Variants in EXOC3 observed in about 807,000 individuals in gnomAD.
EXOC3 encodes SEC6-like 1.
A neutral mutation model predicts 73.7 loss-of-function variants in EXOC3; 21 were observed. That is an observed-to-expected ratio of 0.29 (90% confidence interval 0.20 to 0.41). The LOEUF (loss-of-function observed/expected upper bound fraction) is 0.41. Ranked by LOEUF, EXOC3 falls within the 10% of genes least tolerant of loss-of-function variation. The probability of loss-of-function intolerance (pLI) is 1.00; values close to 1 mark genes in which losing one functional copy is unlikely to be tolerated. For missense variants in EXOC3, 842 were observed against 985.1 expected, an observed-to-expected ratio of 0.85 and a Z score of 1.95; for synonymous variants, 410 against 389.1, an observed-to-expected ratio of 1.05 and a Z score of -0.63.
chr5:451,713 CTATT>C (rs1474299976), intron 3 of EXOC3, among the ~76,000 whole-genome samples: 1 of 152,348 alleles, frequency 6.6e-6, no homozygotes, highest in East Asian at 1.9e-4. Flanking sequence ...CAGTGGGACT[CTATT>C]TAAGCATTTC....
chr5:443,621 C>A (rs1182545800), intron 1 of EXOC3, among the ~76,000 whole-genome samples: 4 of 151,704 alleles, frequency 2.6e-5, no homozygotes, highest in Non-Finnish European at 1.5e-5. Flanking sequence ...TCCTTCCTGG[C>A]ACAGGTGTCC....
Position 462,068 on chromosome 5 carries a change from C to T in EXOC3, c.1500C>T (p.Phe500=). The T allele has an allele frequency of 1.9e-6, 3 of 1,610,824 alleles. No individual in the cohort carries two copies. Among genetic ancestry groups the T allele is most frequent in the Non-Finnish European group, 2.5e-6 (3 of 1,178,396 alleles). Residue 500 remains phenylalanine, a splice_region_variant and synonymous_variant, in exon 8 of 13, where the codon TTC becomes TTT. Transcript: ENST00000512944. ...MIAIINNCQT[F]KESIVSLKRK... ...CCATCATCAACAACTGCCAGACCTT[C>T]AAGTGAGTGTGGCCGGGCGCTGTGG...
chr5:466,032 T>C, intron 12 of EXOC3, 187 bp downstream of exon 12: 1 of 484,768 alleles, frequency 2.1e-6, no homozygotes, highest in Non-Finnish European at 3.6e-6. Context: ...GCCTTCCACC[T>C]GGCCTGGGCT....
At chr5:450,226 A>T (rs1737624844) in intron 3 of EXOC3, among the ~76,000 whole-genome samples, 3 of 152,230 alleles carry the variant, frequency 2.0e-5, no homozygotes, top group Admixed American at 6.5e-5. Flanking sequence ...AGCCAGGGGG[A>T]CAAGAGCGAG....
At chr5:454,141 G>A (rs1357325888) in intron 4 of EXOC3, 90 bp downstream of exon 4, 5 of 1,128,956 alleles carry the variant, frequency 4.4e-6, no homozygotes, top group Non-Finnish European at 6.2e-6. Flanking sequence ...CCGACCTCAG[G>A]GTGTTGCTCT....
In EXOC3 at chr5:458,733, A is replaced by G. The variant is rs536454361; in HGVS notation, c.1291-626A>G. On this transcript the variant is annotated intron_variant, in intron 6 of 12. Transcript: ENST00000512944. The stretch of plus-strand genomic sequence containing the variant: ...CATCATGTGTTTTAATTTGAGTGGC[A>G]TTGCTGAGGGATGGAGCCCCGTTGT... Among the ~76,000 whole-genome samples the G allele has an allele frequency of 2.0e-5, 3 of 152,216 alleles. No homozygotes were observed. In the South Asian group the frequency reaches 6.2e-4, roughly 32 times the overall value.
intron 1 of EXOC3, among the ~76,000 whole-genome samples, chr5:444,132 G>A (rs1377481167): frequency 6.6e-6 from 1 of 152,230 alleles, no homozygotes; most frequent in East Asian, 1.9e-4. Context: ...GTGTCCCCCC[G>A]CTCGGCGGAG....
rs561350489 is a variant in EXOC3 at position 460,821 on chromosome 5, G to A, written c.1392-1139G>A. ...GGTTAGATTCTTCTATAAAGAGACCGTTCCTTGATCACCCTCAGCTTTTTG... is the reference window on the plus strand; with the variant it reads ...GGTTAGATTCTTCTATAAAGAGACCATTCCTTGATCACCCTCAGCTTTTTG... On this transcript the variant is annotated intron_variant, in intron 7 of 12. Coordinates refer to ENST00000512944, the MANE Select transcript of EXOC3 (RefSeq NM_007277.5). Among the ~76,000 whole-genome samples the A allele has an allele frequency of 7.9e-5, 12 of 152,320 alleles. No homozygotes were observed. The South Asian group carries it at 8.3e-4, about 11-fold the overall frequency.
At chr5:452,143 C>T (rs966432447) in intron 3 of EXOC3, among the ~76,000 whole-genome samples, 2 of 152,180 alleles carry the variant, frequency 1.3e-5, no homozygotes, top group Non-Finnish European at 2.9e-5. Flanking sequence ...TCTTCTCCTT[C>T]TAAAAGTCCC....
intron 9 of EXOC3, among the ~76,000 whole-genome samples, chr5:463,167 T>A (rs2126586910): frequency 6.6e-6 from 1 of 152,134 alleles, no homozygotes; most frequent in South Asian, 2.1e-4. Context: ...TGGAAAGGGG[T>A]TCCTGGGATG....
intron 4 of EXOC3, among the ~76,000 whole-genome samples, chr5:455,155 C>A (rs565629553): frequency 1.3e-5 from 2 of 152,214 alleles, no homozygotes; most frequent in Non-Finnish European, 2.9e-5. Flanking sequence ...CAGGTCTCCC[C>A]CTCCGTGCCT....
chr5:445,188 G>C (rs919259624), intron 1 of EXOC3: 5 of 152,282 alleles, frequency 3.3e-5, no homozygotes, highest in African/African-American at 1.2e-4. Flanking sequence ...CGAGGAGGAC[G>C]ATGGTGGAGG....
chr5:459,884 C>T (rs188818713), intron 7 of EXOC3, among the ~76,000 whole-genome samples: 70 of 152,340 alleles, frequency 4.6e-4, no homozygotes, highest in African/African-American at 1.7e-3. Flanking sequence ...CGCCACCCTC[C>T]CCATGAGTTG....
chr5:462,238 C>T lies in EXOC3; in HGVS notation c.1584C>T (p.Asp528=), dbSNP rs201209420. 1.5e-4 allele frequency: 247 copies of T among 1,613,908 alleles called. No individual in the cohort carries two copies. The highest frequency in any genetic ancestry group is 6.5e-4 in the Admixed American group (39 of 60,020). The change falls in exon 9 of 13, where the codon GAC becomes GAT. Residue 528 remains aspartate, a synonymous_variant. Transcript: ENST00000512944. The part of the protein sequence containing the change: ...EGVSPSQPSM[D]GILDAIAKEG... The stretch of plus-strand genomic sequence containing the variant: ...TGTCTCCGAGCCAGCCCAGCATGGA[C>T]GGGATTTTAGACGCCATCGCGAAGG...
intron 3 of EXOC3, among the ~76,000 whole-genome samples, chr5:451,976 C>T (rs1161029330): frequency 6.6e-6 from 1 of 152,204 alleles, no homozygotes; most frequent in Non-Finnish European, 1.5e-5. Context: ...TTTCAGAATT[C>T]TTTCAAAAGT....
rs1560937512 is a variant in EXOC3 at position 455,024 on chromosome 5, G to GGTGGCTTTCTGTGCAACC, written c.1046+979_1046+980insTTCTGTGCAACCGTGGCT. ...TGGTCACCGTGACGCTCTGTGCAAT[G>GGTGGCTTTCTGTGCAACC]GTGGCTCTCTGTGCAACCGTGGCGC... On this transcript the variant is annotated intron_variant, in intron 4 of 12. Coordinates refer to ENST00000512944, the MANE Select transcript of EXOC3 (RefSeq NM_007277.5). Among the ~76,000 whole-genome samples, 3 of 55,410 alleles carry GGTGGCTTTCTGTGCAACC rather than the reference G, an allele frequency of 5.4e-5. No homozygotes were observed. The South Asian group carries it at 1.6e-3, about 29-fold the overall frequency. The allele number at this position is 55,410 out of a possible 152,430, so 36.4% of individuals were successfully genotyped here. A position where few individuals can be genotyped will look rare whatever the true frequency, so the allele number is the denominator to read the frequency against.
In EXOC3 at chr5:467,045, C is replaced by T. The variant is rs1182382804; in HGVS notation, c.*147C>T. On this transcript the variant is annotated 3_prime_UTR_variant, in exon 13 of 13. Transcript: ENST00000512944. ...GTGCCAGTGTGATGCACCGGGTGTG[C>T]GTCGAGTGAGCGTCCCGAGGCCACG... 1.5e-5 allele frequency: 13 copies of T among 843,158 alleles called. No individual in the cohort carries two copies. The highest frequency in any genetic ancestry group is 1.4e-4 in the Admixed American group (5 of 36,146). 52.2% of individuals were successfully genotyped at this position (843,158 alleles called of 1,614,324 possible).
At chr5:444,296 C>T (rs1473702403) in intron 1 of EXOC3, among the ~76,000 whole-genome samples, 2 of 152,200 alleles carry the variant, frequency 1.3e-5, no homozygotes, top group Admixed American at 6.5e-5. Flanking sequence ...CTCTGCGGTG[C>T]GTTTTTTAAC....
chr5:462,287 G>T lies in EXOC3; in HGVS notation c.1633G>T (p.Glu545Ter). ...GGAGGGCTGCAGCGGTTTGCTGGAG[G>T]AGGTCTTCCTGGACCTGGAGGTGGG... ...AKEGCSGLLE[E>*]VFLDLEQHLN... Residue 545 changes from glutamate (E) to a stop codon, truncating the protein, a stop_gained, in exon 9 of 13, where the codon GAG (glutamate) becomes TAG (stop). Coordinates refer to ENST00000512944, the MANE Select transcript of EXOC3 (RefSeq NM_007277.5). LOFTEE classifies it high-confidence loss of function. 6.2e-7 allele frequency: 1 copy of T among 1,613,988 alleles called. No homozygotes were observed. Among genetic ancestry groups the T allele is most frequent in the South Asian group, 1.1e-5 (1 of 91,088 alleles).
Sources: allele counts gnomAD v4.1 joint callset (sites outside exome capture counted in the v4.1 genomes callset), GRCh38; gene constraint gnomAD v4.1.1; transcripts MANE v1.5; gene names NCBI Gene and HGNC (gene_info 2026-07-23, HGNC 2026-07-21).